GRIK3: variants seen among roughly 807,000 people sequenced by gnomAD.
GRIK3 encodes the protein glutamate receptor ionotropic, kainate 3.
A neutral mutation model predicts 102.5 loss-of-function variants in GRIK3; 29 were observed. That is an observed-to-expected ratio of 0.28 (90% confidence interval 0.21 to 0.39). The LOEUF (loss-of-function observed/expected upper bound fraction) is 0.39. GRIK3 is among the 10% of genes least tolerant of loss of function. GRIK3 has a pLI of 1.00. For synonymous variants in GRIK3, 511 were observed against 504.9 expected (o/e 1.01, Z -0.16); for missense variants, 908 against 1,252.4 (o/e 0.73, Z 4.15).
chr1:36,905,547 T>C (rs917883073), intron 1 of GRIK3, among the ~76,000 whole-genome samples: 13 of 151,510 alleles, frequency 8.6e-5, no homozygotes, highest in South Asian at 2.1e-4. Context: ...CTTAATGGCA[T>C]AGAAAATTTT....
intron 10 of GRIK3, among the ~76,000 whole-genome samples, chr1:36,841,148 AC>A (rs1225467262): frequency 6.7e-6 from 1 of 150,014 alleles, no homozygotes; most frequent in African/African-American, 2.5e-5. Flanking sequence ...TACACCCCCC[AC>A]CCCCTCACCT....
At chr1:36,830,740 G>A (rs1231602785) in intron 10 of GRIK3, among the ~76,000 whole-genome samples, 1 of 149,636 alleles carries the variant, frequency 6.7e-6, no homozygotes, top group Admixed American at 6.7e-5. Flanking sequence ...GAACCTAGGA[G>A]GCAGGGATTG....
At chr1:36,807,132 AGGGTCCTGG>A (rs1642510314) in intron 13 of GRIK3, among the ~76,000 whole-genome samples, 1 of 152,080 alleles carries the variant, frequency 6.6e-6, no homozygotes, top group African/African-American at 2.4e-5. Flanking sequence ...CCAGGGCTGT[AGGGTCCTGG>A]GCTGGACACT....
At position 37,021,091 on chromosome 1, in the gene GRIK3, A is replaced by AGTGTGT. The variant is rs140990633; in HGVS notation, c.115+12897_115+12902dup. Among the ~76,000 whole-genome samples, 344 of 144,018 alleles carry AGTGTGT rather than the reference A, an allele frequency of 2.4e-3. 2 individuals carry two copies. Among genetic ancestry groups the AGTGTGT allele is most frequent in the East Asian group, 0.016 (80 of 4,882 alleles). 94.5% of individuals were successfully genotyped at this position (144,018 alleles called of 152,430 possible). A position where few individuals can be genotyped will look rare whatever the true frequency, so the allele number is the denominator to read the frequency against. On this transcript the variant is annotated intron_variant, in intron 1 of 15. Coordinates refer to ENST00000373091, the MANE Select transcript of GRIK3 (RefSeq NM_000831.4). The stretch of plus-strand genomic sequence containing the variant: ...GCAAATGTAAAACTTCAAATTTGCA[A>AGTGTGT]GTGTGTGTGTGTGTGTGTGTGTGTG...
chr1:36,860,491 T>G (rs1396335770), intron 5 of GRIK3, among the ~76,000 whole-genome samples: 1 of 152,174 alleles, frequency 6.6e-6, no homozygotes, highest in Admixed American at 6.5e-5. Context: ...ACTCAAAAAG[T>G]ATGGCCCTCT....
rs575459061 is a variant in GRIK3, at chr1:36,918,907, T to A, written c.116-27811A>T. Among the ~76,000 whole-genome samples the A allele has an allele frequency of 2.2e-4, 34 of 152,354 alleles. No individual in the cohort carries two copies. In the South Asian group the frequency reaches 7.0e-3, roughly 32 times the overall value. Reference sequence around the variant, plus strand: ...ACTCATTCATTCATTCAATTACTATTCATCGAACACCAATGACAGGCCAAG... The same window carrying A: ...ACTCATTCATTCATTCAATTACTATACATCGAACACCAATGACAGGCCAAG... On this transcript the variant is annotated intron_variant, in intron 1 of 15. Coordinates refer to ENST00000373091, the MANE Select transcript of GRIK3 (RefSeq NM_000831.4).
chr1:36,827,157 T>C (rs911415767), intron 10 of GRIK3, among the ~76,000 whole-genome samples: 1 of 152,216 alleles, frequency 6.6e-6, no homozygotes, highest in Non-Finnish European at 1.5e-5. Flanking sequence ...CTGTGCTCCA[T>C]GCGACCTTGT....
At chr1:36,919,928 C>A (rs1641448325) in intron 1 of GRIK3, among the ~76,000 whole-genome samples, 1 of 152,224 alleles carries the variant, frequency 6.6e-6, no homozygotes, top group South Asian at 2.1e-4. Flanking sequence ...CAGCTCCATC[C>A]CTGCCATCAG....
At chr1:36,981,163 A>G (rs1642244383) in intron 1 of GRIK3, among the ~76,000 whole-genome samples, 1 of 152,238 alleles carries the variant, frequency 6.6e-6, no homozygotes, top group Admixed American at 6.5e-5. Flanking sequence ...AAACCCAGGC[A>G]GTCTTGTTCC....
At chr1:36,868,659 C>G (rs1207787425) in intron 5 of GRIK3, among the ~76,000 whole-genome samples, 4 of 152,250 alleles carry the variant, frequency 2.6e-5, no homozygotes, top group African/African-American at 4.8e-5. Flanking sequence ...CTGGATCAAG[C>G]CAGCTCCTGC....
chr1:36,829,371 A>G (rs778241044), intron 10 of GRIK3, among the ~76,000 whole-genome samples: 5 of 151,966 alleles, frequency 3.3e-5, no homozygotes, highest in Non-Finnish European at 7.4e-5. Flanking sequence ...TATTCGAGGA[A>G]TACATCTATT....
At chr1:36,836,263 G>T (rs1640377148) in intron 10 of GRIK3, among the ~76,000 whole-genome samples, 1 of 152,258 alleles carries the variant, frequency 6.6e-6, no homozygotes, top group African/African-American at 2.4e-5. Context: ...GGGCACTGGG[G>T]TCATGGCCTT....
intron 1 of GRIK3, among the ~76,000 whole-genome samples, chr1:37,009,764 T>C (rs1278613852): frequency 2.6e-5 from 4 of 152,144 alleles, no homozygotes. Context: ...GCTAATGGTA[T>C]GCAAATGGGG....
chr1:36,798,208 T>C lies in GRIK3; in HGVS notation c.*3643A>G, dbSNP rs113447068. The C allele has an allele frequency of 0.012, 1,903 of 152,364 alleles. 45 individuals carry two copies. Among genetic ancestry groups the C allele is most frequent in the African/African-American group, 0.043 (1,778 of 41,564 alleles). 9.4% of individuals were successfully genotyped at this position (152,364 alleles called of 1,614,324 possible). A position where few individuals can be genotyped will look rare whatever the true frequency, so the allele number is the denominator to read the frequency against. ...GATTGGGAGGGCTCACTGTCCTTAG[T>C]CCCAGGGCCTCGGCAGGGGCGGTGG... On this transcript the variant is annotated 3_prime_UTR_variant, in exon 16 of 16. Coordinates refer to ENST00000373091, the MANE Select transcript of GRIK3 (RefSeq NM_000831.4).
At chr1:36,805,829 G>A (rs1191016530) in intron 14 of GRIK3, among the ~76,000 whole-genome samples, 2 of 151,228 alleles carry the variant, frequency 1.3e-5, no homozygotes, top group African/African-American at 4.9e-5. Flanking sequence ...CCAGCTACTC[G>A]GGAGGCTGAG....
At chr1:36,929,128 TG>T (rs1641561036) in intron 1 of GRIK3, among the ~76,000 whole-genome samples, 1 of 152,026 alleles carries the variant, frequency 6.6e-6, no homozygotes, top group Non-Finnish European at 1.5e-5. Context: ...TCACCTAGCT[TG>T]TAAGGGATGA....
intron 1 of GRIK3, among the ~76,000 whole-genome samples, chr1:37,004,072 C>T (rs1037574824): frequency 5.3e-5 from 8 of 152,072 alleles, no homozygotes; most frequent in Non-Finnish European, 1.2e-4. Flanking sequence ...ACACACGGAC[C>T]CCAGAAAACA....
chr1:36,936,878 A>G (rs1341798111), intron 1 of GRIK3, among the ~76,000 whole-genome samples: 2 of 151,808 alleles, frequency 1.3e-5, no homozygotes, highest in African/African-American at 2.4e-5. Context: ...CTGGGATTTT[A>G]TAAGAGAATT....
intron 2 of GRIK3, among the ~76,000 whole-genome samples, chr1:36,887,756 CAA>C (rs375757853): frequency 0.67 from 68,731 of 103,148 alleles, 24,733 homozygotes; most frequent in East Asian, 0.85. Flanking sequence ...AATTCCATCT[CAA>C]AAAAAAAAAA....
Sources: allele counts gnomAD v4.1 joint callset (sites outside exome capture counted in the v4.1 genomes callset), GRCh38; gene constraint gnomAD v4.1.1; transcripts MANE v1.5; gene names NCBI Gene and HGNC (gene_info 2026-07-23, HGNC 2026-07-21).